The following DOK6 variants were observed in gnomAD, a reference collection of about 807,000 sequenced individuals.
The protein encoded by DOK6 is downstream of tyrosine kinase 6.
In DOK6, 22 loss-of-function variants were observed where a neutral mutation model predicts 44.0. That is an observed-to-expected ratio of 0.50 (90% CI 0.36 to 0.71). The LOEUF is 0.71. Among genes scored for constraint, DOK6 ranks in the 30% least tolerant of loss-of-function variants. The pLI is 0.00. For synonymous variants in DOK6, 166 were observed against 145.5 expected (o/e 1.14, Z -1.01); for missense variants, 340 against 416.4 (o/e 0.82, Z 1.60).
At chr18:69,641,891 T>G (rs1193086859) in intron 3 of DOK6, among the ~76,000 whole-genome samples, 1 of 152,202 alleles carries the variant, frequency 6.6e-6, no homozygotes, top group Non-Finnish European at 1.5e-5. Flanking sequence ...TGCATGTTCT[T>G]TCCCCCTCTC....
chr18:69,665,899 C>T (rs1360121523), intron 3 of DOK6, among the ~76,000 whole-genome samples: 1 of 152,040 alleles, frequency 6.6e-6, no homozygotes, highest in East Asian at 1.9e-4. Context: ...GAGAACCACC[C>T]CTTTGCTCTC....
chr18:69,731,219 C>CA (rs1265377843), intron 5 of DOK6, among the ~76,000 whole-genome samples: 1 of 152,054 alleles, frequency 6.6e-6, no homozygotes, highest in Non-Finnish European at 1.5e-5. Flanking sequence ...ATCATCTACT[C>CA]ACTGAGTTTT....
At chr18:69,782,459 C>A (rs1285888780) in intron 7 of DOK6, among the ~76,000 whole-genome samples, 1 of 152,096 alleles carries the variant, frequency 6.6e-6, no homozygotes, top group African/African-American at 2.4e-5. Context: ...GATCCCCCCG[C>A]CTCGGCCTCC....
chr18:69,747,558 T>C (rs970019628), intron 6 of DOK6, among the ~76,000 whole-genome samples: 1 of 151,902 alleles, frequency 6.6e-6, no homozygotes, highest in African/African-American at 2.4e-5. Flanking sequence ...AATGTCCACA[T>C]TGCAATATAT....
intron 1 of DOK6, among the ~76,000 whole-genome samples, chr18:69,476,136 G>A (rs920359987): frequency 1.3e-5 from 2 of 152,140 alleles, no homozygotes; most frequent in African/African-American, 4.8e-5. Context: ...CCTTACAAGT[G>A]AGAACATGGG....
chr18:69,744,292 A>G (rs1978904078), intron 6 of DOK6, among the ~76,000 whole-genome samples: 1 of 141,806 alleles, frequency 7.1e-6, no homozygotes, highest in Non-Finnish European at 1.5e-5. Flanking sequence ...CCTGGGCAAC[A>G]GAGCAGGACT....
chr18:69,820,553 C>T (rs897382950), intron 7 of DOK6, among the ~76,000 whole-genome samples: 7 of 152,120 alleles, frequency 4.6e-5, no homozygotes, highest in Admixed American at 3.3e-4. Context: ...TCTTCCCATC[C>T]GGAAACTTAA....
chr18:69,676,730 C>T (rs1160419290), intron 3 of DOK6, among the ~76,000 whole-genome samples: 1 of 152,142 alleles, frequency 6.6e-6, no homozygotes, highest in South Asian at 2.1e-4. Context: ...AGTAAAATAG[C>T]TGGAAGACTT....
intron 7 of DOK6, among the ~76,000 whole-genome samples, chr18:69,775,455 TAAA>T (rs775393604): frequency 2.0e-5 from 3 of 151,892 alleles, no homozygotes; most frequent in Non-Finnish European, 4.4e-5. Context: ...TGGAAGGTAA[TAAA>T]AAGAGAAGTA....
chr18:69,533,072 G>A (rs1039173016), intron 1 of DOK6, among the ~76,000 whole-genome samples: 4 of 151,846 alleles, frequency 2.6e-5, no homozygotes, highest in Admixed American at 2.6e-4. Context: ...AAGGAATATC[G>A]GTGAAGTATC....
intron 1 of DOK6, among the ~76,000 whole-genome samples, chr18:69,443,097 C>T (rs1027484573): frequency 2.0e-5 from 3 of 152,096 alleles, no homozygotes; most frequent in Non-Finnish European, 4.4e-5. Context: ...ACAACAAATG[C>T]GTCAGTAGAC....
intron 3 of DOK6, among the ~76,000 whole-genome samples, chr18:69,654,170 G>C (rs1245108887): frequency 1.3e-5 from 2 of 152,108 alleles, no homozygotes; most frequent in Admixed American, 6.5e-5. Flanking sequence ...AAACACAGAA[G>C]AAAAGAGCAA....
intron 7 of DOK6, among the ~76,000 whole-genome samples, chr18:69,774,510 T>A (rs77121329): frequency 2.0e-5 from 3 of 151,798 alleles, no homozygotes; most frequent in East Asian, 1.9e-4. Context: ...GGAAATAAAA[T>A]TTTTTTAAAA....
intron 3 of DOK6, among the ~76,000 whole-genome samples, chr18:69,617,391 GAGAGA>G: frequency 6.7e-6 from 1 of 149,532 alleles, no homozygotes; most frequent in African/African-American, 2.5e-5. Flanking sequence ...AAAAGAGAGA[GAGAGA>G]AAAGACTGAG....
chr18:69,641,176 C>T (rs1250251018), intron 3 of DOK6, among the ~76,000 whole-genome samples: 1 of 151,492 alleles, frequency 6.6e-6, no homozygotes, highest in Non-Finnish European at 1.5e-5. Flanking sequence ...GATCATGCTA[C>T]TGCACTCCAG....
At chr18:69,771,917 G>A (rs1436076003) in intron 7 of DOK6, among the ~76,000 whole-genome samples, 3 of 148,058 alleles carry the variant, frequency 2.0e-5, no homozygotes, top group African/African-American at 7.5e-5. Context: ...TGATGACAAA[G>A]ATAAAGGAAC....
intron 4 of DOK6, among the ~76,000 whole-genome samples, chr18:69,696,737 C>T (rs191169604): frequency 6.6e-6 from 1 of 152,278 alleles, no homozygotes; most frequent in East Asian, 1.9e-4. Flanking sequence ...TATATGAGAT[C>T]ATGCCCCCTT....
chr18:69,672,339 T>G (rs951161671), intron 3 of DOK6, among the ~76,000 whole-genome samples: 2 of 151,820 alleles, frequency 1.3e-5, no homozygotes, highest in Admixed American at 6.5e-5. Context: ...ATTTAGGTGG[T>G]TTTGTTTGTT....
At chr18:69,642,161 G>A (rs1448045059) in intron 3 of DOK6, among the ~76,000 whole-genome samples, 3 of 151,944 alleles carry the variant, frequency 2.0e-5, no homozygotes, top group East Asian at 1.9e-4. Flanking sequence ...AAAGTGAGTC[G>A]CAGACATGAT....
Sources: allele counts gnomAD v4.1 joint callset (sites outside exome capture counted in the v4.1 genomes callset), GRCh38; gene constraint gnomAD v4.1.1; transcripts MANE v1.5; gene names NCBI Gene and HGNC (gene_info 2026-07-23, HGNC 2026-07-21).